The following SPOCD1 variants were observed in gnomAD, a reference collection of about 807,000 sequenced individuals.
SPOCD1 encodes the protein SPOC domain containing 1.
SPOCD1 carries 64 observed loss-of-function variants against 92.2 expected under a neutral mutation model. That is an observed-to-expected ratio of 0.69 (90% CI 0.57 to 0.86). SPOCD1 has a LOEUF of 0.86. SPOCD1 is among the 40% of genes least tolerant of loss of function. The pLI is 0.00. For synonymous variants in SPOCD1, 578 were observed against 619.3 expected, an observed-to-expected ratio of 0.93 and a Z score of 0.99; for missense variants, 1,360 against 1,543.1, an observed-to-expected ratio of 0.88 and a Z score of 1.99.
At chr1:31,793,130 ATTTGCCCCCATGCCCTG>A in intron 13 of SPOCD1, 131 bp downstream of exon 13, 1 of 1,004,302 alleles carries the variant, frequency 1.0e-6, no homozygotes, top group South Asian at 1.7e-5. Context: ...CCAACATCTC[ATTTGCCCCCATGCCCTG>A]CACAGGGCCA....
intron 14 of SPOCD1, 126 bp from the exon 15 acceptor site, chr1:31,792,527 C>CA: frequency 8.2e-7 from 1 of 1,226,940 alleles, no homozygotes; most frequent in Non-Finnish European, 1.1e-6. Flanking sequence ...GAGGAGGAAA[C>CA]AGAGGGACCT....
chr1:31,797,246 C>A lies in SPOCD1; in HGVS notation c.2146-531G>T, dbSNP rs78376693. On this transcript the variant is annotated intron_variant, in intron 9 of 15. Transcript: ENST00000360482. ...CTGTCGATCAATGTCACTCTATCTG[C>A]AATACTTCCTGAAAACCTGTCTCTC... 4.7e-3 allele frequency among the ~76,000 whole-genome samples: 715 copies of A among 152,328 alleles called. 1 individual carries two copies. Among genetic ancestry groups the A allele is most frequent in the African/African-American group, 0.016 (664 of 41,572 alleles).
intron 2 of SPOCD1, among the ~76,000 whole-genome samples, chr1:31,804,985 C>CTTT (rs1207433481): frequency 1.9e-5 from 2 of 105,916 alleles, no homozygotes; most frequent in Non-Finnish European, 3.7e-5. Context: ...TTCTTTCTTT[C>CTTT]TTTTTTTTTT....
At chr1:31,801,822 G>A (rs1473575609) in intron 2 of SPOCD1, 117 bp from the exon 3 acceptor site, 15 of 868,220 alleles carry the variant, frequency 1.7e-5, no homozygotes, top group Middle Eastern at 2.2e-4. Context: ...TGTTCACTGA[G>A]TTGTACTTAC....
intron 2 of SPOCD1, among the ~76,000 whole-genome samples, chr1:31,805,348 C>T (rs1057055686): frequency 5.3e-5 from 8 of 151,894 alleles, no homozygotes. Flanking sequence ...ATCTAAACTA[C>T]TAGAGGGATA....
At chr1:31,812,846 G>C (rs1314501889) in intron 2 of SPOCD1, among the ~76,000 whole-genome samples, 4 of 152,156 alleles carry the variant, frequency 2.6e-5, no homozygotes, top group African/African-American at 9.7e-5. Flanking sequence ...TCACCAGCTG[G>C]GTCTGTAACC....
At chr1:31,812,819 T>C (rs992756737) in intron 2 of SPOCD1, among the ~76,000 whole-genome samples, 2 of 152,232 alleles carry the variant, frequency 1.3e-5, no homozygotes, top group East Asian at 3.8e-4. Flanking sequence ...CGCCTAGGCT[T>C]GTAGCCTTGC....
chr1:31,800,882 T>TC (rs1246052710), intron 3 of SPOCD1, among the ~76,000 whole-genome samples: 1 of 152,032 alleles, frequency 6.6e-6, no homozygotes, highest in East Asian at 1.9e-4. Context: ...TTTCTCAACT[T>TC]CCCCCTTAAC....
At chr1:31,805,013 G>T (rs1354839041) in intron 2 of SPOCD1, among the ~76,000 whole-genome samples, 1 of 86,112 alleles carries the variant, frequency 1.2e-5, no homozygotes, top group African/African-American at 4.2e-5. Flanking sequence ...ATGGAGTCTC[G>T]CTCTGTCACC....
intron 2 of SPOCD1, among the ~76,000 whole-genome samples, chr1:31,803,078 T>C (rs546865919): frequency 3.2e-4 from 48 of 151,822 alleles, no homozygotes; most frequent in African/African-American, 1.0e-3. Context: ...GCCTTTTGGC[T>C]GGCCCGTCTC....
chr1:31,798,721 G>T lies in SPOCD1; in HGVS notation c.1869-120C>A. 1 of 1,123,212 alleles carries T rather than the reference G, an allele frequency of 8.9e-7. No individual in the cohort carries two copies. The highest frequency in any genetic ancestry group is 1.3e-6 in the Non-Finnish European group (1 of 797,644). 69.6% of individuals were successfully genotyped at this position (1,123,212 alleles called of 1,614,324 possible). On this transcript the variant is annotated intron_variant, in intron 7 of 15. Transcript: ENST00000360482. The surrounding 1 kb of genome is among the most constrained non-coding windows in gnomAD (Gnocchi z 4.1). ...GGGCCAACTTGTTCCTGTCGTGGGTGTTTCCCTGCAGGAACCTACTTATTC... is the reference window on the plus strand; with the variant it reads ...GGGCCAACTTGTTCCTGTCGTGGGTTTTTCCCTGCAGGAACCTACTTATTC...
Position 31,790,699 on chromosome 1 carries a change from G to C in SPOCD1, c.3555C>G (p.Ala1185=). The change falls in exon 16 of 16, where the codon GCC becomes GCG. Residue 1185 remains alanine (A), a synonymous_variant. Coordinates refer to ENST00000360482, the MANE Select transcript of SPOCD1 (RefSeq NM_144569.7). ...IPRPLQRLSS[A]LAAPEPPGPA... The stretch of plus-strand genomic sequence containing the variant: ...GGCCAGGGGGCTCTGGAGCTGCAAG[G>C]GCGCTAGACAAACGCTGCAGAGGGC... 3 of 1,551,886 alleles carry C rather than the reference G, an allele frequency of 1.9e-6. No homozygotes were observed. Among genetic ancestry groups the C allele is most frequent in the Non-Finnish European group, 2.6e-6 (3 of 1,147,072 alleles).
rs762768435 is a variant in SPOCD1 at position 31,814,184 on chromosome 1, C to T, written c.1150G>A (p.Ala384Thr). The stretch of plus-strand genomic sequence containing the variant: ...TCCCGGGAGCTGGCACAGGTGTCAG[C>T]GGGGGCAGCGAGTCCTTGCTCCAGC... ...GRLEQGLAAP[A>T]DTCASSREPL... Residue 384 changes from alanine (A) to threonine (T), a missense_variant, in exon 2 of 16, where the codon GCT becomes ACT. Physicochemically the swap from Ala to Thr is moderately conservative, Grantham distance 58. Coordinates refer to ENST00000360482, the MANE Select transcript of SPOCD1 (RefSeq NM_144569.7). This position sits in a 1 kb window ranked among gnomAD's most constrained non-coding sequence, Gnocchi z 4.2. The T allele has an allele frequency of 2.5e-6, 4 of 1,570,982 alleles. No individual in the cohort carries two copies. The highest frequency in any genetic ancestry group is 4.5e-5 in the East Asian group (2 of 44,064).
At chr1:31,792,810 C>T (rs1319704274) in intron 13 of SPOCD1, 43 bp from the exon 14 acceptor site, 3 of 1,492,970 alleles carry the variant, frequency 2.0e-6, no homozygotes, top group Non-Finnish European at 1.8e-6. Flanking sequence ...CAGCTTCCCA[C>T]CCACTCAGGG....
chr1:31,792,826 G>A lies in SPOCD1; in HGVS notation c.2686-59C>T, dbSNP rs761509707. On this transcript the variant is annotated intron_variant, in intron 13 of 15. Coordinates refer to ENST00000360482, the MANE Select transcript of SPOCD1 (RefSeq NM_144569.7). ...AGCTTCCCACCCACTCAGGGTGGAC[G>A]CATTCCCAGCCACCTGGAAGGCTGC... is the stretch of plus-strand genomic sequence containing the variant. The A allele has an allele frequency of 3.5e-4, 457 of 1,310,164 alleles. 1 individual carries two copies. Among genetic ancestry groups the A allele is most frequent in the Middle Eastern group, 1.5e-3 (6 of 4,076 alleles). 81.2% of individuals were successfully genotyped at this position (1,310,164 alleles called of 1,614,324 possible).
At chr1:31,810,595 G>A (rs968407584) in intron 2 of SPOCD1, among the ~76,000 whole-genome samples, 3 of 152,012 alleles carry the variant, frequency 2.0e-5, no homozygotes, top group East Asian at 1.9e-4. Context: ...CAATCCACCC[G>A]CCTTGGCCTC....
At chr1:31,813,363 G>A (rs1463553652) in intron 2 of SPOCD1, among the ~76,000 whole-genome samples, 2 of 152,150 alleles carry the variant, frequency 1.3e-5, no homozygotes, top group Non-Finnish European at 2.9e-5. Context: ...TGCTTCCCAG[G>A]TTCAAGTGAT....
chr1:31,798,305 C>A lies in SPOCD1; in HGVS notation c.2047G>T (p.Val683Phe), dbSNP rs1170820393. 3 of 1,613,640 alleles carry A rather than the reference C, an allele frequency of 1.9e-6. No homozygotes were observed. Among genetic ancestry groups the A allele is most frequent in the Non-Finnish European group, 2.5e-6 (3 of 1,179,940 alleles). The change falls in exon 9 of 16, where the codon GTT becomes TTT. Residue 683 changes from valine (V) to phenylalanine (F), a missense_variant. Val to Phe is a conservative substitution (Grantham distance 50). Coordinates refer to ENST00000360482, the MANE Select transcript of SPOCD1 (RefSeq NM_144569.7). The surrounding 1 kb of genome is among the most constrained non-coding windows in gnomAD (Gnocchi z 4.1). The stretch of plus-strand genomic sequence containing the variant: ...TCGTAGGGGGTGACATCTCCATGAA[C>A]CACTTTGAGAAACAAGTCCTGGTGG... Reference protein sequence around the residue: ...PRNLDLFLKVVHGDVTPYDLV... With the variant: ...PRNLDLFLKVFHGDVTPYDLV...
chr1:31,808,970 C>G (rs1457598013), intron 2 of SPOCD1, among the ~76,000 whole-genome samples: 2 of 152,128 alleles, frequency 1.3e-5, no homozygotes, highest in Non-Finnish European at 2.9e-5. Flanking sequence ...CCGAGGATCA[C>G]CTGAGGTCAG....
Sources: gnomAD v4.1 joint callset for allele counts (sites outside exome capture counted in the v4.1 genomes callset) on GRCh38, gnomAD v4.1.1 for gene constraint, Gnocchi (gnomAD v3.1) non-coding constraint, MANE v1.5 for transcripts, NCBI Gene and HGNC (gene_info 2026-07-23, HGNC 2026-07-21) for gene names.